APP: variants seen among roughly 807,000 people sequenced by gnomAD.
APP encodes amyloid-beta precursor protein.
A neutral mutation model predicts 101.4 loss-of-function variants in APP; 31 were observed. The observed-to-expected ratio is 0.31, with a 90% CI of 0.23 to 0.41. APP has a LOEUF of 0.41. Ranked by LOEUF, APP falls within the 10% of genes least tolerant of loss-of-function variation. The probability of loss-of-function intolerance (pLI) is 1.00; values close to 1 mark genes in which losing one functional copy is unlikely to be tolerated. For missense variants in APP, 839 were observed against 1,003.7 expected, an observed-to-expected ratio of 0.84 and a Z score of 2.22; for synonymous variants, 366 against 364.4, an observed-to-expected ratio of 1.00 and a Z score of -0.05.
intron 5 of APP, among the ~76,000 whole-genome samples, chr21:26,025,754 A>G (rs1245438928): frequency 1.3e-5 from 2 of 152,240 alleles, no homozygotes; most frequent in African/African-American, 4.8e-5. Flanking sequence ...CACGTAATAA[A>G]TAGTTCAACC....
At chr21:26,037,275 A>G (rs2045159205) in intron 5 of APP, among the ~76,000 whole-genome samples, 1 of 152,168 alleles carries the variant, frequency 6.6e-6, no homozygotes, top group East Asian at 1.9e-4. Context: ...TTACAGCTAG[A>G]TAAGAGGAAT....
chr21:25,936,670 T>C (rs1425062627), intron 13 of APP, among the ~76,000 whole-genome samples: 1 of 152,228 alleles, frequency 6.6e-6, no homozygotes, highest in African/African-American at 2.4e-5. Context: ...ACCGACCTGC[T>C]GGTACCTTGA....
At chr21:25,920,568 G>A (rs972040524) in intron 13 of APP, among the ~76,000 whole-genome samples, 2 of 151,512 alleles carry the variant, frequency 1.3e-5, no homozygotes. Context: ...AAAAGGCAGG[G>A]GTTGCAATCC....
chr21:26,086,975 G>T (rs1022372767), intron 3 of APP, among the ~76,000 whole-genome samples: 4 of 152,186 alleles, frequency 2.6e-5, no homozygotes, highest in Non-Finnish European at 5.9e-5. Context: ...AGCCTGTGAA[G>T]AGAGACGAAG....
rs746947550 is a variant in APP at position 26,053,288 on chromosome 21, T to A, written c.416A>T (p.Glu139Val). Residue 139 changes from glutamate to valine, a missense_variant, in exon 4 of 18, where the codon GAG becomes GTG. Physicochemically the swap from Glu to Val is moderately radical, Grantham distance 121. Transcript: ENST00000346798. The part of the protein sequence containing the change: ...VPDKCKFLHQ[E>V]RMDVCETHLH... ...ATGAGTTTCGCAAACATCCATCCTCTCCTGGTGTAAGAATTTGCACTTGTC... is the reference window on the plus strand; with the variant it reads ...ATGAGTTTCGCAAACATCCATCCTCACCTGGTGTAAGAATTTGCACTTGTC... The A allele has an allele frequency of 1.2e-6, 2 of 1,613,968 alleles. No homozygotes were observed. The highest frequency in any genetic ancestry group is 1.7e-6 in the Non-Finnish European group (2 of 1,179,870).
At chr21:26,004,162 C>T (rs1022531086) in intron 6 of APP, among the ~76,000 whole-genome samples, 5 of 151,670 alleles carry the variant, frequency 3.3e-5, no homozygotes, top group South Asian at 2.1e-4. Context: ...GAAGTGAACA[C>T]GGAGAAGCAG....
rs116496326 is a variant in APP at position 25,905,977 on chromosome 21, G to C, written c.1910-900C>G. On this transcript the variant is annotated intron_variant, in intron 14 of 17. Coordinates refer to ENST00000346798, the MANE Select transcript of APP (RefSeq NM_000484.4). ...ACGGAGGTAGGTGCAGGGGGAAGCT[G>C]CTTTGGTAAGGTGGCAAGTGTAAAG... 8.1e-3 allele frequency among the ~76,000 whole-genome samples: 1,229 copies of C among 152,206 alleles called. 17 individuals carry two copies. The highest frequency in any genetic ancestry group is 0.028 in the African/African-American group (1,161 of 41,526).
At chr21:26,059,648 T>C (rs993806121) in intron 3 of APP, among the ~76,000 whole-genome samples, 45 of 152,014 alleles carry the variant, frequency 3.0e-4, no homozygotes, top group African/African-American at 1.0e-3. Context: ...CCCAGCACTT[T>C]GGGAGGCCGA....
chr21:26,046,972 T>C (rs1268785096), intron 5 of APP, among the ~76,000 whole-genome samples: 1 of 152,188 alleles, frequency 6.6e-6, no homozygotes, highest in Non-Finnish European at 1.5e-5. Flanking sequence ...TTATGCTACA[T>C]AATGTTAGTA....
intron 3 of APP, among the ~76,000 whole-genome samples, chr21:26,080,748 C>A (rs2061581349): frequency 6.9e-6 from 1 of 145,058 alleles, no homozygotes; most frequent in African/African-American, 2.6e-5. Context: ...CCAGCCTGGG[C>A]GACGAAGCTA....
chr21:25,904,364 G>A (rs1354469177), intron 15 of APP, among the ~76,000 whole-genome samples: 1 of 152,190 alleles, frequency 6.6e-6, no homozygotes, highest in African/African-American at 2.4e-5. Context: ...AAAAAGAAGT[G>A]TCTATTTCAG....
chr21:26,149,207 A>C (rs1238868813), intron 1 of APP, among the ~76,000 whole-genome samples: 1 of 152,214 alleles, frequency 6.6e-6, no homozygotes, highest in Non-Finnish European at 1.5e-5. Context: ...ACACTGGCTG[A>C]ACTCTTTGAC....
chr21:25,891,619 C>G (rs1318616542), intron 17 of APP, 103 bp downstream of exon 17: 48 of 1,172,986 alleles, frequency 4.1e-5, no homozygotes, highest in Non-Finnish European at 5.7e-5. Context: ...CACACTGATT[C>G]GTTTTTTAAA....
intron 2 of APP, among the ~76,000 whole-genome samples, chr21:26,104,900 C>T (rs1040599347): frequency 3.3e-5 from 5 of 152,030 alleles, no homozygotes; most frequent in African/African-American, 7.3e-5. Context: ...AGACTGTTAA[C>T]AGCCACCTCA....
At chr21:26,050,177 C>T (rs140179502) in intron 5 of APP, among the ~76,000 whole-genome samples, 9 of 152,034 alleles carry the variant, frequency 5.9e-5, no homozygotes, top group African/African-American at 2.2e-4. Context: ...TGTAGTTTGC[C>T]GATTATAAAC....
At chr21:26,066,841 T>C (rs1488171682) in intron 3 of APP, among the ~76,000 whole-genome samples, 2 of 152,074 alleles carry the variant, frequency 1.3e-5, no homozygotes, top group African/African-American at 4.8e-5. Context: ...AACAACACAA[T>C]GACTCAAGCA....
chr21:26,073,675 G>C (rs1431180593), intron 3 of APP, among the ~76,000 whole-genome samples: 2 of 152,202 alleles, frequency 1.3e-5, no homozygotes, highest in Non-Finnish European at 1.5e-5. Context: ...ATACTATTGA[G>C]ATGTGAAATT....
chr21:25,911,029 A>C (rs1323070098), intron 14 of APP, among the ~76,000 whole-genome samples: 1 of 152,216 alleles, frequency 6.6e-6, no homozygotes, highest in Non-Finnish European at 1.5e-5. Context: ...CGTCATAAAC[A>C]CAAGTTGAAT....
intron 8 of APP, among the ~76,000 whole-genome samples, chr21:25,983,853 G>GGGGA (rs1314308137): frequency 6.6e-6 from 1 of 152,100 alleles, no homozygotes; most frequent in African/African-American, 2.4e-5. Flanking sequence ...GGCAGCAACG[G>GGGGA]GGGAAGGAAG....
Sources: allele counts gnomAD v4.1 joint callset (sites outside exome capture counted in the v4.1 genomes callset), GRCh38; gene constraint gnomAD v4.1.1; transcripts MANE v1.5; gene names NCBI Gene and HGNC (gene_info 2026-07-23, HGNC 2026-07-21).